Variants in GRIK2 observed in about 807,000 individuals in gnomAD.
The protein encoded by GRIK2 is glutamate receptor ionotropic, kainate 2.
A neutral mutation model predicts 100.3 loss-of-function variants in GRIK2; 32 were observed. The observed-to-expected ratio is 0.32, with a 90% confidence interval of 0.24 to 0.43. The LOEUF (loss-of-function observed/expected upper bound fraction) is 0.43. Ranked by LOEUF, GRIK2 falls within the 20% of genes least tolerant of loss-of-function variation. The probability of loss-of-function intolerance (pLI) is 1.00; values close to 1 mark genes in which losing one functional copy is unlikely to be tolerated. For synonymous variants in GRIK2, 417 were observed against 389.4 expected, an observed-to-expected ratio of 1.07 and a Z score of -0.83; for missense variants, 843 against 1,114.9, an observed-to-expected ratio of 0.76 and a Z score of 3.47.
intron 10 of GRIK2, among the ~76,000 whole-genome samples, chr6:101,852,384 G>T (rs1784185229): frequency 6.6e-6 from 1 of 151,994 alleles, no homozygotes; most frequent in Admixed American, 6.6e-5. Context: ...ACATGGGTTA[G>T]TGACTTGAGG....
At chr6:101,574,555 T>C (rs1465296316) in intron 2 of GRIK2, among the ~76,000 whole-genome samples, 1 of 151,242 alleles carries the variant, frequency 6.6e-6, no homozygotes, top group Non-Finnish European at 1.5e-5. Context: ...GCAAAAAAAT[T>C]GACGAATTGT....
intron 9 of GRIK2, among the ~76,000 whole-genome samples, chr6:101,803,022 G>A (rs1286352954): frequency 1.3e-5 from 2 of 151,570 alleles, no homozygotes; most frequent in East Asian, 3.9e-4. Context: ...TTTAGTGTGA[G>A]TTTTCTTAAA....
chr6:101,969,385 C>T (rs920758525), intron 14 of GRIK2, among the ~76,000 whole-genome samples: 3 of 151,582 alleles, frequency 2.0e-5, no homozygotes, highest in African/African-American at 7.3e-5. Context: ...GTTCTATAGC[C>T]TGTTTAATTT....
intron 2 of GRIK2, among the ~76,000 whole-genome samples, chr6:101,595,716 G>GTA (rs751726535): frequency 0.13 from 17,411 of 133,278 alleles, 1,304 homozygotes; most frequent in South Asian, 0.23. Flanking sequence ...GTGTGTGTGT[G>GTA]TGTATATATA....
intron 4 of GRIK2, among the ~76,000 whole-genome samples, chr6:101,636,768 A>T (rs1781042283): frequency 6.6e-6 from 1 of 151,856 alleles, no homozygotes; most frequent in East Asian, 1.9e-4. Flanking sequence ...GGGCGGGGAA[A>T]TGTGAAGGAA....
chr6:101,637,415 C>A (rs1781075951), intron 4 of GRIK2, among the ~76,000 whole-genome samples: 1 of 152,106 alleles, frequency 6.6e-6, no homozygotes, highest in Non-Finnish European at 1.5e-5. Context: ...TTGGGTTGCC[C>A]ACATCAGATC....
intron 2 of GRIK2, among the ~76,000 whole-genome samples, chr6:101,479,702 A>G (rs1772426172): frequency 6.6e-6 from 1 of 152,138 alleles, no homozygotes; most frequent in African/African-American, 2.4e-5. Context: ...AGGTTTTGTT[A>G]TTGGGGATTT....
chr6:101,497,977 A>G (rs1373331364), intron 2 of GRIK2, among the ~76,000 whole-genome samples: 4 of 149,296 alleles, frequency 2.7e-5, no homozygotes, highest in Non-Finnish European at 4.5e-5. Flanking sequence ...TTAACTCATC[A>G]TTTAGCATTA....
At chr6:101,839,183 T>C (rs551202270) in intron 10 of GRIK2, among the ~76,000 whole-genome samples, 34 of 152,312 alleles carry the variant, frequency 2.2e-4, no homozygotes, top group African/African-American at 8.2e-4. Context: ...ACTTTCACTG[T>C]TCTGAATTTG....
chr6:101,828,877 A>C (rs1007338553), intron 10 of GRIK2, among the ~76,000 whole-genome samples: 1 of 151,960 alleles, frequency 6.6e-6, no homozygotes, highest in Non-Finnish European at 1.5e-5. Context: ...TTATTCCAAA[A>C]ATTTGAGGTG....
intron 2 of GRIK2, among the ~76,000 whole-genome samples, chr6:101,486,796 G>A (rs909581302): frequency 7.7e-6 from 1 of 130,580 alleles, no homozygotes; most frequent in Non-Finnish European, 1.7e-5. Context: ...CAACTGTGAG[G>A]TATTTTGATT....
At chr6:101,823,460 T>TAA (rs1554269546) in intron 10 of GRIK2, among the ~76,000 whole-genome samples, 1 of 151,698 alleles carries the variant, frequency 6.6e-6, no homozygotes, top group Admixed American at 6.6e-5. Flanking sequence ...TGCCCTAATT[T>TAA]TATTGTTTGT....
In GRIK2 at chr6:101,889,708, G is replaced by A; in HGVS notation, c.1593G>A (p.Lys531=). Residue 531 remains lysine (K), a synonymous_variant, in exon 12 of 17, where the codon AAG becomes AAA. Transcript: ENST00000369134. ...YVREKVIDFS[K]PFMTLGISIL... is the part of the protein sequence containing the mutation. ...GAGAGAAGGTCATCGACTTTTCCAA[G>A]CCCTTTATGACACTTGGAATAAGTA... The A allele has an allele frequency of 1.9e-6, 3 of 1,611,406 alleles. No homozygotes were observed. Among genetic ancestry groups the A allele is most frequent in the Non-Finnish European group, 2.5e-6 (3 of 1,179,350 alleles).
At chr6:101,505,424 A>G (rs184414709) in intron 2 of GRIK2, among the ~76,000 whole-genome samples, 15 of 152,152 alleles carry the variant, frequency 9.9e-5, no homozygotes, top group African/African-American at 3.6e-4. Flanking sequence ...CAGCTTGCCA[A>G]CTCTTTCTCC....
At chr6:101,970,207 A>ATT (rs3029072) in intron 14 of GRIK2, among the ~76,000 whole-genome samples, 47,370 of 149,430 alleles carry the variant, frequency 0.32, 9,165 homozygotes, top group South Asian at 0.45. Flanking sequence ...CAGAGTAATG[A>ATT]TTTTTTTTTT....
intron 11 of GRIK2, among the ~76,000 whole-genome samples, chr6:101,872,897 C>G (rs1785523552): frequency 6.6e-6 from 1 of 151,772 alleles, no homozygotes; most frequent in Admixed American, 6.6e-5. Context: ...ATGAGCCGAG[C>G]TTTATGAACT....
intron 10 of GRIK2, among the ~76,000 whole-genome samples, chr6:101,842,450 T>C (rs1460797725): frequency 6.6e-6 from 1 of 152,186 alleles, no homozygotes; most frequent in East Asian, 1.9e-4. Context: ...CTTTTTTCTA[T>C]AAAATGTTAT....
Position 101,398,984 on chromosome 6 carries a change from G to A in GRIK2, c.-293-1G>A, listed in dbSNP as rs1363339573. 6.8e-6 allele frequency: 3 copies of A among 443,032 alleles called. No individual in the cohort carries two copies. The highest frequency in any genetic ancestry group is 1.2e-5 in the Non-Finnish European group (3 of 251,762). 27.4% of individuals were successfully genotyped at this position (443,032 alleles called of 1,614,324 possible). A position where few individuals can be genotyped will look rare whatever the true frequency, so the allele number is the denominator to read the frequency against. On this transcript the variant is annotated splice_acceptor_variant, in intron 1 of 16. Coordinates refer to ENST00000369134, the MANE Select transcript of GRIK2 (RefSeq NM_021956.5). LOFTEE classifies it low-confidence loss of function (5UTR_SPLICE). Reference sequence around the variant, plus strand: ...ATTTCCCTCCTCCTCTGCTTTCACAGGCTCGCGCGGCCGGACATTGTGGGT... The same window carrying A: ...ATTTCCCTCCTCCTCTGCTTTCACAAGCTCGCGCGGCCGGACATTGTGGGT...
rs150502979 is a variant in GRIK2 at position 101,962,246 on chromosome 6, C to T, written c.2085+33614C>T. Among the ~76,000 whole-genome samples, 364 of 152,114 alleles carry T rather than the reference C, an allele frequency of 2.4e-3. 3 individuals carry two copies. Among genetic ancestry groups the T allele is most frequent in the African/African-American group, 8.2e-3 (340 of 41,488 alleles). On this transcript the variant is annotated intron_variant, in intron 14 of 16. Coordinates refer to ENST00000369134, the MANE Select transcript of GRIK2 (RefSeq NM_021956.5). ...TTAATAGACTGTGGCACTCTTCCCTCGGTATTCCACTCAGGATGTGATTAC... is the reference window on the plus strand; with the variant it reads ...TTAATAGACTGTGGCACTCTTCCCTTGGTATTCCACTCAGGATGTGATTAC...
Sources: allele counts gnomAD v4.1 joint callset (sites outside exome capture counted in the v4.1 genomes callset), GRCh38; gene constraint gnomAD v4.1.1; transcripts MANE v1.5; gene names NCBI Gene and HGNC (gene_info 2026-07-23, HGNC 2026-07-21).